The following SAMD12 variants were observed in gnomAD, a reference collection of about 807,000 sequenced individuals.
The protein encoded by SAMD12 is sterile alpha motif domain containing 12, also known as sterile alpha motif domain-containing protein 12.
In SAMD12, 9 loss-of-function variants were observed where a neutral mutation model predicts 15.0. That is an observed-to-expected ratio of 0.60 (90% CI 0.36 to 1.05). SAMD12 has a LOEUF of 1.05. Among genes scored for constraint, SAMD12 ranks in the 50% least tolerant of loss-of-function variants. The pLI is 0.01. For missense variants in SAMD12, 230 were observed against 234.2 expected (o/e 0.98, Z 0.12); for synonymous variants, 86 against 90.1 (o/e 0.96, Z 0.25).
At chr8:118,154,861 G>A in the SAMD12 span, among the ~76,000 whole-genome samples, 1 of 152,206 alleles carries the variant, frequency 6.6e-6, no homozygotes, top group Non-Finnish European at 1.5e-5. Flanking sequence ...CTTTGTAACA[G>A]TATGCCAGCC....
chr8:118,271,663 T>C (rs1479085235), intron 4 of SAMD12, among the ~76,000 whole-genome samples: 2 of 152,192 alleles, frequency 1.3e-5, no homozygotes. Context: ...GGTAAAGGCA[T>C]TGGGTAAATA....
intron 4 of SAMD12, among the ~76,000 whole-genome samples, chr8:118,328,362 T>C (rs1470754474): frequency 6.6e-6 from 1 of 152,256 alleles, no homozygotes; most frequent in Admixed American, 6.5e-5. Context: ...TCTGCTTTCC[T>C]GGTTTTTCAA....
At chr8:118,199,805 T>C (rs1248704127) in intron 4 of SAMD12, among the ~76,000 whole-genome samples, 1 of 152,180 alleles carries the variant, frequency 6.6e-6, no homozygotes, top group Non-Finnish European at 1.5e-5. Context: ...GTAGAATTAT[T>C]CCCATTTTAT....
chr8:118,453,120 T>G (rs963181683), intron 2 of SAMD12, among the ~76,000 whole-genome samples: 1 of 152,332 alleles, frequency 6.6e-6, no homozygotes, highest in South Asian at 2.1e-4. Flanking sequence ...CTATAATTGT[T>G]CCTTGCCTTC....
intron 4 of SAMD12, among the ~76,000 whole-genome samples, chr8:118,288,946 G>A (rs1486885794): frequency 6.6e-6 from 1 of 152,146 alleles, no homozygotes; most frequent in Non-Finnish European, 1.5e-5. Flanking sequence ...AACCTAACAT[G>A]TCTTCCTGGT....
intron 4 of SAMD12, chr8:118,282,151 A>C (rs1813679037): frequency 1.9e-5 from 7 of 377,102 alleles, no homozygotes; most frequent in South Asian, 1.4e-4. Flanking sequence ...GACCATCATG[A>C]CCTTATGGTG....
At chr8:118,466,098 A>G (rs1304267125) in intron 2 of SAMD12, among the ~76,000 whole-genome samples, 1 of 152,244 alleles carries the variant, frequency 6.6e-6, no homozygotes, top group Non-Finnish European at 1.5e-5. Context: ...ACTAACACGT[A>G]GCATAGTGTT....
intron 3 of SAMD12, among the ~76,000 whole-genome samples, chr8:118,418,688 C>T (rs985803284): frequency 6.6e-6 from 1 of 150,616 alleles, no homozygotes; most frequent in African/African-American, 2.4e-5. Context: ...CACTGCACTC[C>T]AGCCTGGGTG....
At chr8:118,344,586 T>C (rs1283336079) in intron 4 of SAMD12, among the ~76,000 whole-genome samples, 1 of 152,172 alleles carries the variant, frequency 6.6e-6, no homozygotes, top group African/African-American at 2.4e-5. Flanking sequence ...TTCATCACTC[T>C]GGAAATGGAA....
chr8:118,306,200 T>C (rs1815340394), intron 4 of SAMD12, among the ~76,000 whole-genome samples: 1 of 152,318 alleles, frequency 6.6e-6, no homozygotes, highest in East Asian at 1.9e-4. Flanking sequence ...GAGTGGCATC[T>C]GTGTTCCTGA....
chr8:118,403,393 G>A (rs1424159042), intron 3 of SAMD12, among the ~76,000 whole-genome samples: 5 of 152,020 alleles, frequency 3.3e-5, no homozygotes, highest in Non-Finnish European at 5.9e-5. Flanking sequence ...GTATGGCAGA[G>A]TGGGTAAGAG....
downstream of SAMD12, among the ~76,000 whole-genome samples, chr8:118,186,621 A>G (rs1819247707): frequency 6.6e-6 from 1 of 152,124 alleles, no homozygotes; most frequent in African/African-American, 2.4e-5. Context: ...AAAATTGATA[A>G]AGAAAATCAT....
intron 4 of SAMD12, among the ~76,000 whole-genome samples, chr8:118,353,567 C>T (rs372107484): frequency 1.4e-4 from 22 of 152,182 alleles, no homozygotes; most frequent in African/African-American, 4.6e-4. Context: ...TTGGACTTTC[C>T]GGCCTCTGGA....
chr8:118,384,361 G>A (rs1819833675), intron 3 of SAMD12, among the ~76,000 whole-genome samples: 1 of 152,164 alleles, frequency 6.6e-6, no homozygotes. Flanking sequence ...GTCACTATGT[G>A]GAGAATGGAT....
chr8:118,155,270 C>G, the SAMD12 span, among the ~76,000 whole-genome samples: 1 of 151,822 alleles, frequency 6.6e-6, no homozygotes, highest in Admixed American at 6.6e-5. Context: ...AAAGTTAGAA[C>G]GGACTCAACC....
chr8:118,391,349 TTTTA>T (rs1820267639), intron 3 of SAMD12, among the ~76,000 whole-genome samples: 2 of 152,314 alleles, frequency 1.3e-5, no homozygotes, highest in East Asian at 1.9e-4. Flanking sequence ...CTCTAGGTAC[TTTTA>T]TTTGTCTGCA....
chr8:118,527,752 A>T (rs572589632), intron 2 of SAMD12, among the ~76,000 whole-genome samples: 1 of 152,114 alleles, frequency 6.6e-6, no homozygotes, highest in Non-Finnish European at 1.5e-5. Context: ...ATTCCTACTT[A>T]ATCTTGAGTT....
rs1285634614 is a variant in SAMD12, at chr8:118,378,203, T to C, written c.*1214A>G. The C allele has an allele frequency of 6.3e-6, 1 of 158,758 alleles. No individual in the cohort carries two copies. Among genetic ancestry groups the C allele is most frequent in the Admixed American group, 6.5e-5 (1 of 15,276 alleles). The allele number at this position is 158,758 out of a possible 1,614,324, so 9.8% of individuals were successfully genotyped here. A position where few individuals can be genotyped will look rare whatever the true frequency, so the allele number is the denominator to read the frequency against. On this transcript the variant is annotated 3_prime_UTR_variant, in exon 4 of 4. Transcript: ENST00000314727. ...ATGTAATTTTAATAACTGGGCATTA[T>C]ACTGAATCTTATGAATTTAAGCAGA... is the stretch of plus-strand genomic sequence containing the variant.
the SAMD12 span, among the ~76,000 whole-genome samples, chr8:118,167,288 T>C: frequency 3.3e-5 from 5 of 151,644 alleles, no homozygotes; most frequent in Admixed American, 3.3e-4. Context: ...CTTGACACCA[T>C]GGCCTGCTCC....
Sources: gnomAD v4.1 joint callset for allele counts (sites outside exome capture counted in the v4.1 genomes callset) on GRCh38, gnomAD v4.1.1 for gene constraint, MANE v1.5 for transcripts, NCBI Gene and HGNC (gene_info 2026-07-23, HGNC 2026-07-21) for gene names.